Variants in ELP2 observed in about 807,000 individuals in gnomAD.
ELP2 encodes the protein elongator acetyltransferase complex subunit 2, also known as elongator complex protein 2.
Under a neutral mutation model 119.2 loss-of-function variants are expected in ELP2, and 90 were observed. The observed-to-expected ratio is 0.75, with a 90% CI of 0.64 to 0.90. ELP2 has a LOEUF of 0.90. ELP2 is among the 40% of genes least tolerant of loss of function. ELP2 has a pLI of 0.00. For synonymous variants in ELP2, 339 were observed against 331.0 expected, an observed-to-expected ratio of 1.02 and a Z score of -0.26; for missense variants, 921 against 967.8, an observed-to-expected ratio of 0.95 and a Z score of 0.64.
At chr18:36,135,501 TAA>T (rs2089792523) in intron 2 of ELP2, among the ~76,000 whole-genome samples, 1 of 152,220 alleles carries the variant, frequency 6.6e-6, no homozygotes, top group Non-Finnish European at 1.5e-5. Context: ...AGTTCAAATC[TAA>T]TGCTCTTTAG....
chr18:36,178,717 C>T lies in ELP2; in HGVS notation c.*4076C>T. ...GCTCAAGCAGTTCTCCCACCTCAGC[C>T]TTGGTTTAAGAAAAAAAAAAAAAAA... On this transcript the variant is annotated 3_prime_UTR_variant, in exon 22 of 22. Coordinates refer to ENST00000358232, the MANE Select transcript of ELP2 (RefSeq NM_018255.4). The T allele has an allele frequency of 6.8e-6, 1 of 147,006 alleles. No homozygotes were observed. Among genetic ancestry groups the T allele is most frequent in the Non-Finnish European group, 1.5e-5 (1 of 67,148 alleles). 9.1% of individuals were successfully genotyped at this position (147,006 alleles called of 1,614,324 possible). A position where few individuals can be genotyped will look rare whatever the true frequency, so the allele number is the denominator to read the frequency against.
At chr18:36,167,246 T>G (rs1333426596) in intron 19 of ELP2, 24 bp downstream of exon 19, 1 of 1,513,654 alleles carries the variant, frequency 6.6e-7, no homozygotes, top group Middle Eastern at 1.9e-4. Flanking sequence ...AATTTAATAT[T>G]TTTTCAAATG....
rs955385611 is a variant in ELP2, at chr18:36,139,746, C to T, written c.523+874C>T. ...AAAGTCTCTTATCTAGCAGAGTCAT[C>T]AGGGCTGCCCTTTGGTAATGCAAAT... On this transcript the variant is annotated intron_variant, in intron 5 of 21. Coordinates refer to ENST00000358232, the MANE Select transcript of ELP2 (RefSeq NM_018255.4). 4 of 571,244 alleles carry T rather than the reference C, an allele frequency of 7.0e-6. No individual in the cohort carries two copies. In the African/African-American group the frequency reaches 7.6e-5, roughly 11 times the overall value. 35.4% of individuals were successfully genotyped at this position (571,244 alleles called of 1,614,324 possible).
chr18:36,150,369 C>G (rs996391903), intron 11 of ELP2, among the ~76,000 whole-genome samples: 10 of 152,216 alleles, frequency 6.6e-5, no homozygotes, highest in Admixed American at 5.9e-4. Context: ...CTTCCATTCT[C>G]CAGGTAGTAT....
chr18:36,161,136 T>C, intron 17 of ELP2, 132 bp downstream of exon 17: 1 of 709,288 alleles, frequency 1.4e-6, no homozygotes, highest in South Asian at 1.5e-5. Context: ...AATCTTACTT[T>C]CTCAATTTCT....
intron 2 of ELP2, among the ~76,000 whole-genome samples, chr18:36,135,253 C>T (rs1490379579): frequency 6.6e-6 from 1 of 152,198 alleles, no homozygotes; most frequent in Non-Finnish European, 1.5e-5. Context: ...TGATTGATTT[C>T]CTTTCATTGA....
chr18:36,179,871 A>G lies in ELP2; in HGVS notation c.*5230A>G, dbSNP rs1413643284. The G allele has an allele frequency of 6.6e-6, 1 of 152,196 alleles. No homozygotes were observed. The highest frequency in any genetic ancestry group is 1.5e-5 in the Non-Finnish European group (1 of 68,032). The allele number at this position is 152,196 out of a possible 1,614,324, so 9.4% of individuals were successfully genotyped here. A position where few individuals can be genotyped will look rare whatever the true frequency, so the allele number is the denominator to read the frequency against. On this transcript the variant is annotated 3_prime_UTR_variant, in exon 22 of 22. Transcript: ENST00000358232. ...GGTTGGAACCCCAATGAGTTGGGCA[A>G]CAGAAACCCAGCTCACACTGGCTGT...
intron 9 of ELP2, 31 bp from the exon 10 acceptor site, chr18:36,145,917 T>A (rs2090183505): frequency 6.5e-7 from 1 of 1,537,858 alleles, no homozygotes; most frequent in South Asian, 1.1e-5. Context: ...TGATTGTTGA[T>A]CACCTAAAGG....
chr18:36,173,971 A>C (rs79225763), intron 21 of ELP2, among the ~76,000 whole-genome samples: 1 of 152,156 alleles, frequency 6.6e-6, no homozygotes, highest in African/African-American at 2.4e-5. Flanking sequence ...TAGAGGTCAC[A>C]CTGGAGACCA....
intron 1 of ELP2, among the ~76,000 whole-genome samples, chr18:36,131,911 T>G (rs2144551449): frequency 6.6e-6 from 1 of 151,160 alleles, no homozygotes; most frequent in South Asian, 2.1e-4. Context: ...TTTGTCCTGT[T>G]AAATATTTGC....
intron 5 of ELP2, chr18:36,139,739 G>A: frequency 1.4e-6 from 1 of 716,500 alleles, no homozygotes; most frequent in Non-Finnish European, 2.2e-6. Flanking sequence ...TTATCTAGCA[G>A]AGTCATCAGG....
Position 36,149,488 on chromosome 18 carries a change from G to GTTTT in ELP2, c.1125+3118_1125+3121dup, listed in dbSNP as rs71166097. On this transcript the variant is annotated intron_variant, in intron 11 of 21. Transcript: ENST00000358232. ...GTTGCAGGGTTTTTTGTTTTGTTTT[G>GTTTT]TTTTTTTTTTTTTTGCTTAGAAATC... Among the ~76,000 whole-genome samples the GTTTT allele has an allele frequency of 1.0e-4, 13 of 125,082 alleles. 1 individual carries two copies. The highest frequency in any genetic ancestry group is 2.6e-4 in the South Asian group (1 of 3,904). The allele number at this position is 125,082 out of a possible 152,430, so 82.1% of individuals were successfully genotyped here.
At chr18:36,154,768 T>C in intron 11 of ELP2, 82 bp from the exon 12 acceptor site, 3 of 1,521,314 alleles carry the variant, frequency 2.0e-6, no homozygotes, top group Non-Finnish European at 2.7e-6. Flanking sequence ...GCTTTAGTCT[T>C]CTCTGTTATC....
chr18:36,146,304 A>G lies in ELP2; in HGVS notation c.1048A>G (p.Asn350Asp). ...TTTGGGATTTTATGATTGCCAGTTC[A>G]ATGAAGATGGCTCCATGATCATTGC... ...NTLGFYDCQF[N>D]EDGSMIIAHA... Residue 350 changes from asparagine (N) to aspartate (D), a missense_variant, in exon 11 of 22, where the codon AAT becomes GAT. Transcript: ENST00000358232. The G allele has an allele frequency of 6.2e-7, 1 of 1,614,144 alleles. No individual in the cohort carries two copies. The highest frequency in any genetic ancestry group is 1.1e-5 in the South Asian group (1 of 91,088).
chr18:36,156,411 C>G (rs2090573517), intron 12 of ELP2, 55 bp from the exon 13 acceptor site: 4 of 1,510,054 alleles, frequency 2.6e-6, no homozygotes, highest in Non-Finnish European at 3.7e-6. Context: ...TAATAATTTG[C>G]TTATTGAAAA....
intron 13 of ELP2, among the ~76,000 whole-genome samples, chr18:36,156,973 A>G (rs544270831): frequency 6.6e-6 from 1 of 152,260 alleles, no homozygotes; most frequent in East Asian, 1.9e-4. Context: ...TTTCAAGGAG[A>G]TTACCATCTA....
Position 36,133,897 on chromosome 18 carries a change from G to GTTT in ELP2, c.217+609_217+611dup, listed in dbSNP as rs57135329. Among the ~76,000 whole-genome samples the GTTT allele has an allele frequency of 5.4e-3, 331 of 60,796 alleles. 31 individuals carry two copies. The highest frequency in any genetic ancestry group is 0.023 in the African/African-American group (313 of 13,780). The allele number at this position is 60,796 out of a possible 152,430, so 39.9% of individuals were successfully genotyped here. A position where few individuals can be genotyped will look rare whatever the true frequency, so the allele number is the denominator to read the frequency against. Reference sequence around the variant, plus strand: ...ACCACGCCTTTCTAGTTTTTTAGGGGTTTTTTTTTTTTTTTTTTTTTTTTT... The same window carrying GTTT: ...ACCACGCCTTTCTAGTTTTTTAGGGGTTTTTTTTTTTTTTTTTTTTTTTTTTTT... On this transcript the variant is annotated intron_variant, in intron 2 of 21. Coordinates refer to ENST00000358232, the MANE Select transcript of ELP2 (RefSeq NM_018255.4).
chr18:36,161,073 G>T lies in ELP2; in HGVS notation c.1761+69G>T. On this transcript the variant is annotated intron_variant, in intron 17 of 21. Coordinates refer to ENST00000358232, the MANE Select transcript of ELP2 (RefSeq NM_018255.4). ...GGGTCATCAGGCTCCTGCAAGTTTG[G>T]TAATGATTTAGGCAGAACTCTACGT... 3 of 1,161,044 alleles carry T rather than the reference G, an allele frequency of 2.6e-6. No homozygotes were observed. In the South Asian group the frequency reaches 3.7e-5, roughly 14 times the overall value. 71.9% of individuals were successfully genotyped at this position (1,161,044 alleles called of 1,614,324 possible). A position where few individuals can be genotyped will look rare whatever the true frequency, so the allele number is the denominator to read the frequency against.
intron 6 of ELP2, 77 bp from the exon 7 acceptor site, chr18:36,142,204 T>G: frequency 5.9e-6 from 7 of 1,190,954 alleles, no homozygotes; most frequent in Non-Finnish European, 8.8e-6. Flanking sequence ...TAGGACTGTC[T>G]GAGACCAAAT....
Sources: allele counts gnomAD v4.1 joint callset (sites outside exome capture counted in the v4.1 genomes callset), GRCh38; gene constraint gnomAD v4.1.1; transcripts MANE v1.5; gene names NCBI Gene and HGNC (gene_info 2026-07-23, HGNC 2026-07-21).